Variants in FMN1 observed in about 807,000 individuals in gnomAD.
The protein encoded by FMN1 is formin-1.
FMN1 carries 110 observed loss-of-function variants against 132.4 expected under a neutral mutation model. The observed-to-expected ratio is 0.83, with a 90% CI of 0.71 to 0.97. FMN1 has a LOEUF of 0.97. Ranked by LOEUF, FMN1 falls within the 50% of genes least tolerant of loss-of-function variation. The pLI is 0.00. For synonymous variants in FMN1, 722 were observed against 651.7 expected (o/e 1.11, Z -1.64); for missense variants, 1,792 against 1,705.3 (o/e 1.05, Z -0.90).
At chr15:32,939,871 C>G (rs1009657144) in intron 9 of FMN1, among the ~76,000 whole-genome samples, 4 of 152,032 alleles carry the variant, frequency 2.6e-5, no homozygotes, top group Non-Finnish European at 4.4e-5. Context: ...TTATCAGATA[C>G]TTAATATTCT....
At chr15:33,097,476 G>A (rs1267207992) in intron 4 of FMN1, among the ~76,000 whole-genome samples, 1 of 151,924 alleles carries the variant, frequency 6.6e-6, no homozygotes, top group African/African-American at 2.4e-5. Flanking sequence ...TAAATAAACT[G>A]GAAAATCAGT....
intron 9 of FMN1, among the ~76,000 whole-genome samples, chr15:32,933,072 G>A (rs2061161759): frequency 6.6e-6 from 1 of 151,776 alleles, no homozygotes; most frequent in African/African-American, 2.4e-5. Flanking sequence ...GAAGTGTAGA[G>A]TCAGGTTGTT....
chr15:32,945,056 G>C (rs2061480225), intron 9 of FMN1, among the ~76,000 whole-genome samples: 1 of 152,014 alleles, frequency 6.6e-6, no homozygotes, highest in Non-Finnish European at 1.5e-5. Flanking sequence ...GTGACAGTTT[G>C]TTAAATTAGC....
intron 17 of FMN1, among the ~76,000 whole-genome samples, chr15:32,829,628 C>T (rs1352449592): frequency 6.6e-6 from 1 of 152,194 alleles, no homozygotes; most frequent in East Asian, 1.9e-4. Context: ...GATGCAATCA[C>T]ATTCCAAGAT....
rs899537130 is a variant in FMN1 at position 33,150,345 on chromosome 15, C to T, written c.1867+2703G>A. The T allele has an allele frequency of 2.9e-5, 29 of 985,402 alleles. No homozygotes were observed. The South Asian group carries it at 3.8e-4, about 13-fold the overall frequency. The allele number at this position is 985,402 out of a possible 1,614,324, so 61.0% of individuals were successfully genotyped here. Reference sequence around the variant, plus strand: ...GGAACATTCCACATCAGTCTCCACCCGCCAAATAAAATACTATAAAACCAA... The same window carrying T: ...GGAACATTCCACATCAGTCTCCACCTGCCAAATAAAATACTATAAAACCAA... On this transcript the variant is annotated intron_variant, in intron 4 of 20. Coordinates refer to ENST00000616417, the MANE Select transcript of FMN1 (RefSeq NM_001277313.2).
chr15:33,146,827 G>T (rs549256637), intron 4 of FMN1, among the ~76,000 whole-genome samples: 1 of 152,134 alleles, frequency 6.6e-6, no homozygotes, highest in African/African-American at 2.4e-5. Context: ...AGAGGAAGGG[G>T]GTGGGGCCGC....
At chr15:33,125,476 T>C (rs1566938067) in intron 4 of FMN1, among the ~76,000 whole-genome samples, 1 of 152,154 alleles carries the variant, frequency 6.6e-6, no homozygotes, top group East Asian at 1.9e-4. Context: ...AATGGGGTTA[T>C]ACAAATTAGT....
intron 11 of FMN1, 137 bp downstream of exon 11, chr15:32,910,337 C>A (rs989053569): frequency 4.5e-6 from 3 of 670,896 alleles, no homozygotes; most frequent in Non-Finnish European, 5.2e-6. Flanking sequence ...CACTCCCATT[C>A]AAGCTTGTGT....
chr15:33,023,841 T>C (rs945964515), intron 6 of FMN1, among the ~76,000 whole-genome samples: 19 of 152,216 alleles, frequency 1.2e-4, no homozygotes, highest in African/African-American at 4.6e-4. Context: ...AGGGATAGAC[T>C]ATTTTTTTAA....
intron 2 of FMN1, among the ~76,000 whole-genome samples, chr15:33,186,349 C>T (rs1156945365): frequency 6.6e-6 from 1 of 152,124 alleles, no homozygotes; most frequent in African/African-American, 2.4e-5. Flanking sequence ...CTTTCTCATG[C>T]TGAGTAAACC....
intron 4 of FMN1, among the ~76,000 whole-genome samples, chr15:33,115,409 GTTGC>G (rs767630562): frequency 6.6e-6 from 1 of 152,068 alleles, no homozygotes; most frequent in Non-Finnish European, 1.5e-5. Context: ...TGGTATGTGG[GTTGC>G]TTATGAAAGA....
intron 13 of FMN1, among the ~76,000 whole-genome samples, chr15:32,901,095 A>G (rs1397878230): frequency 6.6e-6 from 1 of 152,166 alleles, no homozygotes; most frequent in African/African-American, 2.4e-5. Flanking sequence ...CAGAGGTTGC[A>G]ATGAGCCGAG....
Position 32,986,936 on chromosome 15 carries a change from C to A in FMN1, c.2224-17459G>T, listed in dbSNP as rs75893261. Among the ~76,000 whole-genome samples, 1,127 of 152,180 alleles carry A rather than the reference C, an allele frequency of 7.4e-3. 11 individuals are homozygous for A. The highest frequency in any genetic ancestry group is 0.026 in the African/African-American group (1,067 of 41,528). ...GTATGAATTTAAATCTGACTTATTT[C>A]CTAACTGATCAAACATGGACTATAA... On this transcript the variant is annotated intron_variant, in intron 7 of 20. Coordinates refer to ENST00000616417, the MANE Select transcript of FMN1 (RefSeq NM_001277313.2).
At chr15:32,827,854 A>C (rs2058408048) in intron 17 of FMN1, among the ~76,000 whole-genome samples, 1 of 151,912 alleles carries the variant, frequency 6.6e-6, no homozygotes, top group African/African-American at 2.4e-5. Flanking sequence ...AAGAAAAAAA[A>C]AAAAAGGACA....
chr15:32,964,177 G>C lies in FMN1; in HGVS notation c.3068C>G (p.Ser1023Cys), dbSNP rs762291357. 1 of 1,612,736 alleles carries C rather than the reference G, an allele frequency of 6.2e-7. No individual in the cohort carries two copies. Among genetic ancestry groups the C allele is most frequent in the Non-Finnish European group, 8.5e-7 (1 of 1,179,082 alleles). ...RDPSEFEYLFSKDTTQQKKKP... is the reference protein window; with the variant it reads ...RDPSEFEYLFCKDTTQQKKKP... ...TTTCTTCTGTTGAGTTGTGTCTTTG[G>C]AGAATAAATACTCAAATTCACTGGG... The change falls in exon 9 of 21, where the codon TCC (serine) becomes TGC (cysteine). Residue 1023 changes from serine (S) to cysteine (C), a missense_variant. Physicochemically the swap from Ser to Cys is moderately radical, Grantham distance 112 (BLOSUM62 -1). Coordinates refer to ENST00000616417, the MANE Select transcript of FMN1 (RefSeq NM_001277313.2).
At chr15:32,937,259 A>G (rs2061297807) in intron 9 of FMN1, among the ~76,000 whole-genome samples, 6 of 152,166 alleles carry the variant, frequency 3.9e-5, no homozygotes, top group Admixed American at 3.9e-4. Context: ...GTACCTCCCC[A>G]AAAGTCTGAA....
At chr15:33,076,919 T>C (rs2038234867) in intron 5 of FMN1, among the ~76,000 whole-genome samples, 1 of 152,232 alleles carries the variant, frequency 6.6e-6, no homozygotes, top group Non-Finnish European at 1.5e-5. Flanking sequence ...CAATGATTCT[T>C]TGATCCTAAT....
At chr15:33,187,388 AG>A (rs1054987109) in intron 2 of FMN1, among the ~76,000 whole-genome samples, 10 of 152,218 alleles carry the variant, frequency 6.6e-5, no homozygotes, top group Admixed American at 6.5e-5. Flanking sequence ...AGAGTCCTGA[AG>A]AACCCTGAAA....
chr15:32,778,248 A>T (rs1423027071), intron 19 of FMN1, among the ~76,000 whole-genome samples: 1 of 142,456 alleles, frequency 7.0e-6, no homozygotes, highest in Non-Finnish European at 1.5e-5. Context: ...TATATAATAC[A>T]TATATGTATA....
Sources: allele counts gnomAD v4.1 joint callset (sites outside exome capture counted in the v4.1 genomes callset), GRCh38; gene constraint gnomAD v4.1.1; transcripts MANE v1.5; gene names NCBI Gene and HGNC (gene_info 2026-07-23, HGNC 2026-07-21).